DLG2: variants seen among roughly 807,000 people sequenced by gnomAD.
DLG2 encodes discs large MAGUK scaffold protein 2, also known as disks large homolog 2.
In DLG2, 45 loss-of-function variants were observed where a neutral mutation model predicts 132.5. The ratio of observed to expected loss-of-function variants is 0.34; its 90% CI spans 0.27 to 0.44. The LOEUF is 0.44. Among genes scored for constraint, DLG2 ranks in the 20% least tolerant of loss-of-function variants. The pLI, the probability that DLG2 is intolerant of heterozygous loss-of-function variation, is 1.00. For missense variants in DLG2, 1,045 were observed against 1,196.9 expected (o/e 0.87, Z 1.87); for synonymous variants, 424 against 419.6 (o/e 1.01, Z -0.13).
chr11:83,783,340 C>A (rs2094914325), intron 18 of DLG2, among the ~76,000 whole-genome samples: 1 of 152,104 alleles, frequency 6.6e-6, no homozygotes, highest in Admixed American at 6.5e-5. Flanking sequence ...CCAAAGAAGA[C>A]ATTTATTGCT....
chr11:84,157,712 T>C (rs548181968), intron 9 of DLG2, among the ~76,000 whole-genome samples: 7 of 152,238 alleles, frequency 4.6e-5, no homozygotes, highest in Non-Finnish European at 8.8e-5. Context: ...CTTATCGTCA[T>C]AGTTTTTGTG....
chr11:85,430,193 A>C (rs1327610570), intron 3 of DLG2, among the ~76,000 whole-genome samples: 1 of 113,764 alleles, frequency 8.8e-6, no homozygotes, highest in Non-Finnish European at 1.7e-5. Flanking sequence ...GGAACATCAC[A>C]CTCTGGGGCC....
At chr11:84,101,064 G>A (rs534787852) in intron 9 of DLG2, among the ~76,000 whole-genome samples, 2 of 152,198 alleles carry the variant, frequency 1.3e-5, no homozygotes, top group East Asian at 3.9e-4. Context: ...ATATAATCAT[G>A]AATTTATTTA....
At chr11:83,604,589 T>C (rs2059043824) in intron 19 of DLG2, among the ~76,000 whole-genome samples, 2 of 152,208 alleles carry the variant, frequency 1.3e-5, no homozygotes, top group Non-Finnish European at 1.5e-5. Flanking sequence ...ATTATACATT[T>C]GTCTAAAGCC....
At chr11:84,578,405 A>C (rs2154528754) in intron 6 of DLG2, among the ~76,000 whole-genome samples, 1 of 152,250 alleles carries the variant, frequency 6.6e-6, no homozygotes, top group Admixed American at 6.5e-5. Flanking sequence ...TACCCTGCAA[A>C]GCCACAGAGG....
In DLG2 at chr11:83,459,874, C is replaced by T. The variant is rs900900288; in HGVS notation, c.2872G>A (p.Val958Ile). ...AAAGGCCCAGATTGCTCTTCAATAA[C>T]AAGCTTGCATTGGTTATATATATCT... The part of the protein sequence containing the change: ...LEDIYNQCKL[V>I]IEEQSGPFIW... Residue 958 changes from valine (V) to isoleucine (I), a missense_variant, in exon 28 of 28, where the codon GTT becomes ATT. This residue lies in a region of DLG2 where 398 missense variants were observed against 543.6 expected (regional missense o/e 0.73). Transcript: ENST00000376104. The T allele has an allele frequency of 1.2e-5, 20 of 1,612,518 alleles. No individual in the cohort carries two copies. The highest frequency in any genetic ancestry group is 1.7e-5 in the Non-Finnish European group (20 of 1,178,566).
chr11:83,686,040 C>G (rs2153607606), intron 18 of DLG2, among the ~76,000 whole-genome samples: 2 of 152,214 alleles, frequency 1.3e-5, no homozygotes, highest in South Asian at 4.1e-4. Flanking sequence ...TCTCCCTAAT[C>G]TATACCACTA....
intron 3 of DLG2, among the ~76,000 whole-genome samples, chr11:85,425,307 G>C (rs995814012): frequency 1.3e-5 from 2 of 151,888 alleles, no homozygotes; most frequent in Non-Finnish European, 2.9e-5. Flanking sequence ...AATGACAAAA[G>C]GTTAATACTT....
At chr11:83,805,577 T>A (rs2045687735) in intron 17 of DLG2, among the ~76,000 whole-genome samples, 1 of 152,124 alleles carries the variant, frequency 6.6e-6, no homozygotes, top group African/African-American at 2.4e-5. Context: ...CTCTCTCCCA[T>A]CCTCCCTCTC....
intron 4 of DLG2, among the ~76,000 whole-genome samples, chr11:85,179,045 T>C (rs1300075102): frequency 1.3e-5 from 2 of 151,782 alleles, no homozygotes. Context: ...TAAAATTAAA[T>C]ATGCACTCAG....
At chr11:85,333,709 T>C (rs2081935970) in intron 3 of DLG2, among the ~76,000 whole-genome samples, 1 of 152,212 alleles carries the variant, frequency 6.6e-6, no homozygotes, top group African/African-American at 2.4e-5. Context: ...GTTTTAGTTC[T>C]GTTTATGTGA....
At chr11:84,895,954 A>C (rs1299944983) in intron 6 of DLG2, among the ~76,000 whole-genome samples, 2 of 152,224 alleles carry the variant, frequency 1.3e-5, no homozygotes, top group East Asian at 3.9e-4. Flanking sequence ...TGGCTACTTT[A>C]TTAATATTTT....
chr11:84,363,418 T>C (rs1281368286), intron 7 of DLG2, among the ~76,000 whole-genome samples: 2 of 152,156 alleles, frequency 1.3e-5, no homozygotes, highest in African/African-American at 4.8e-5. Context: ...TAGCCCTTTG[T>C]CAGATGAGTA....
rs11423369 is a variant in DLG2, at chr11:84,916,348, CAAAAAAAAAAAA to C, written c.357+195301_357+195312del. 3.4e-3 allele frequency among the ~76,000 whole-genome samples: 94 copies of C among 27,950 alleles called. 1 individual carries two copies. The highest frequency in any genetic ancestry group is 0.03 in the East Asian group (25 of 844). 18.3% of individuals were successfully genotyped at this position (27,950 alleles called of 152,430 possible). On this transcript the variant is annotated intron_variant, in intron 6 of 27. Transcript: ENST00000376104. ...TGGGCGACAGAGCGAGACTCCGTCT[CAAAAAAAAAAAA>C]AAAAAAAAAAAAAAAAAAAGAAGCA...
chr11:84,412,639 G>A (rs192210060), intron 7 of DLG2, among the ~76,000 whole-genome samples: 1 of 152,300 alleles, frequency 6.6e-6, no homozygotes, highest in East Asian at 1.9e-4. Flanking sequence ...ACTGCCACAT[G>A]CCCTAGGTGA....
intron 7 of DLG2, among the ~76,000 whole-genome samples, chr11:84,265,316 A>G (rs2097605131): frequency 6.6e-6 from 1 of 152,184 alleles, no homozygotes; most frequent in African/African-American, 2.4e-5. Flanking sequence ...TAAGAGTTCA[A>G]TTCACATGAT....
At chr11:84,418,747 C>G (rs997462936) in intron 7 of DLG2, among the ~76,000 whole-genome samples, 2 of 152,190 alleles carry the variant, frequency 1.3e-5, no homozygotes, top group African/African-American at 4.8e-5. Flanking sequence ...ACCCTATTCT[C>G]AACCTAGAAT....
chr11:84,964,565 G>T (rs898311429), intron 6 of DLG2, among the ~76,000 whole-genome samples: 1 of 152,006 alleles, frequency 6.6e-6, no homozygotes, highest in Admixed American at 6.6e-5. Flanking sequence ...TGCTATACAT[G>T]GAGAAAATAA....
chr11:85,150,100 G>A (rs138062871), intron 5 of DLG2, among the ~76,000 whole-genome samples: 4,860 of 143,954 alleles, frequency 0.034, 100 homozygotes, highest in African/African-American at 0.051. Context: ...GCTCACTGCA[G>A]GTTCCGCCTC....
Sources: gnomAD v4.1 joint callset for allele counts (sites outside exome capture counted in the v4.1 genomes callset) on GRCh38, gnomAD v4.1.1 for gene constraint, gnomAD v4.1.1 regional missense constraint, MANE v1.5 for transcripts, NCBI Gene and HGNC (gene_info 2026-07-23, HGNC 2026-07-21) for gene names.